NLGN1: variants seen among roughly 807,000 people sequenced by gnomAD.
NLGN1 encodes the protein neuroligin 1.
A neutral mutation model predicts 65.5 loss-of-function variants in NLGN1; 12 were observed. That is an observed-to-expected ratio of 0.18 (90% confidence interval 0.12 to 0.30). The LOEUF is 0.30. NLGN1 is among the 10% of genes least tolerant of loss of function. NLGN1 has a pLI of 1.00. For missense variants in NLGN1, 750 were observed against 1,007.1 expected (o/e 0.74, Z 3.46); for synonymous variants, 350 against 359.5 (o/e 0.97, Z 0.30).
At chr3:173,925,091 AT>A (rs1335164843) in intron 4 of NLGN1, among the ~76,000 whole-genome samples, 1 of 152,034 alleles carries the variant, frequency 6.6e-6, no homozygotes, top group Non-Finnish European at 1.5e-5. Context: ...GATCAAACCT[AT>A]TTTTTTCTTT....
intron 5 of NLGN1, among the ~76,000 whole-genome samples, chr3:174,276,803 G>T (rs1234389749): frequency 2.6e-5 from 4 of 151,780 alleles, no homozygotes; most frequent in Admixed American, 2.0e-4. Flanking sequence ...TAAAGAAATG[G>T]CTTCTTTTGA....
At chr3:173,670,838 T>TA (rs143372665) in intron 3 of NLGN1, among the ~76,000 whole-genome samples, 2 of 152,012 alleles carry the variant, frequency 1.3e-5, no homozygotes, top group Non-Finnish European at 2.9e-5. Flanking sequence ...GTTCTTAGCA[T>TA]AAAAAATAAA....
intron 2 of NLGN1, among the ~76,000 whole-genome samples, chr3:173,447,523 G>T (rs148413024): frequency 6.6e-6 from 1 of 152,062 alleles, no homozygotes. Flanking sequence ...TGTTCTTTTG[G>T]CTTAGGATTG....
intron 3 of NLGN1, among the ~76,000 whole-genome samples, chr3:173,744,017 C>T (rs911799479): frequency 1.2e-4 from 19 of 152,024 alleles, no homozygotes; most frequent in African/African-American, 4.6e-4. Flanking sequence ...TTCAAAATAA[C>T]TAGTTAGAAA....
intron 3 of NLGN1, among the ~76,000 whole-genome samples, chr3:173,733,810 A>G (rs1201558749): frequency 2.0e-5 from 3 of 152,120 alleles, no homozygotes; most frequent in Non-Finnish European, 4.4e-5. Context: ...CGGGGGAGGA[A>G]CACTGTTTGT....
chr3:174,161,450 A>G (rs747304633), intron 4 of NLGN1, among the ~76,000 whole-genome samples: 5 of 151,890 alleles, frequency 3.3e-5, no homozygotes, highest in Non-Finnish European at 7.4e-5. Flanking sequence ...ACTAGGGTTT[A>G]GTTTACGTCT....
chr3:173,676,204 G>T (rs1291816236), intron 3 of NLGN1, among the ~76,000 whole-genome samples: 1 of 152,072 alleles, frequency 6.6e-6, no homozygotes, highest in Non-Finnish European at 1.5e-5. Context: ...GAGGCATGCT[G>T]CTCTTCCTTG....
chr3:173,583,552 C>T (rs1352646820), intron 2 of NLGN1, among the ~76,000 whole-genome samples: 2 of 152,172 alleles, frequency 1.3e-5, no homozygotes, highest in African/African-American at 2.4e-5. Flanking sequence ...CTGCTTGCAG[C>T]TACAGAACCC....
chr3:173,786,475 T>C (rs1203124960), intron 3 of NLGN1, among the ~76,000 whole-genome samples: 1 of 152,134 alleles, frequency 6.6e-6, no homozygotes, highest in Non-Finnish European at 1.5e-5. Context: ...GTATTGAAAA[T>C]CATTCTTTCT....
chr3:173,881,697 C>T (rs1340906888), intron 4 of NLGN1, among the ~76,000 whole-genome samples: 1 of 152,024 alleles, frequency 6.6e-6, no homozygotes, highest in African/African-American at 2.4e-5. Context: ...AAGTGCCAGG[C>T]TCCACTTCTA....
intron 2 of NLGN1, among the ~76,000 whole-genome samples, chr3:173,511,918 T>C (rs1338349705): frequency 6.6e-6 from 1 of 152,212 alleles, no homozygotes; most frequent in African/African-American, 2.4e-5. Context: ...TATAATTATA[T>C]TGCAGGGTAT....
chr3:173,851,507 C>G (rs1299140593), intron 4 of NLGN1, among the ~76,000 whole-genome samples: 4 of 152,170 alleles, frequency 2.6e-5, no homozygotes, highest in Admixed American at 6.5e-5. Flanking sequence ...CATAGCCAAA[C>G]AGTTTAAAGA....
chr3:173,698,158 T>C (rs570446811), intron 3 of NLGN1, among the ~76,000 whole-genome samples: 2 of 152,338 alleles, frequency 1.3e-5, no homozygotes, highest in East Asian at 3.9e-4. Flanking sequence ...TTGCAGAAGA[T>C]GTTGTTCACT....
exon 7 of NLGN1, chr3:174,284,388 T>A (rs1433520655): frequency 6.6e-6 from 1 of 151,424 alleles, no homozygotes; most frequent in Non-Finnish European, 1.5e-5. Context: ...TTAGCAAATA[T>A]GTTTAAAATG....
At chr3:174,115,274 A>G (rs948027848) in intron 4 of NLGN1, among the ~76,000 whole-genome samples, 4 of 152,258 alleles carry the variant, frequency 2.6e-5, no homozygotes, top group African/African-American at 7.2e-5. Flanking sequence ...TCATTTTCCA[A>G]TGAGATTAAA....
At chr3:174,243,072 A>G (rs745840009) in intron 4 of NLGN1, among the ~76,000 whole-genome samples, 4 of 151,978 alleles carry the variant, frequency 2.6e-5, no homozygotes, top group Non-Finnish European at 4.4e-5. Flanking sequence ...GAAAAATGAT[A>G]TGTTGGAGTT....
chr3:173,786,710 A>G (rs1197421902), intron 3 of NLGN1, among the ~76,000 whole-genome samples: 1 of 152,222 alleles, frequency 6.6e-6, no homozygotes, highest in Non-Finnish European at 1.5e-5. Context: ...ATCAGAAAAA[A>G]TGAATTTTAA....
chr3:174,183,697 C>T (rs568395663), intron 4 of NLGN1, among the ~76,000 whole-genome samples: 1 of 152,264 alleles, frequency 6.6e-6, no homozygotes, highest in Admixed American at 6.5e-5. Flanking sequence ...CATGTGCACA[C>T]ATACACAACA....
chr3:174,023,536 T>A (rs930645663), intron 4 of NLGN1, among the ~76,000 whole-genome samples: 3 of 152,148 alleles, frequency 2.0e-5, no homozygotes, highest in Non-Finnish European at 2.9e-5. Flanking sequence ...CATTCCTTCC[T>A]TTGAGGTGGA....
Sources: gnomAD v4.1 joint callset for allele counts (sites outside exome capture counted in the v4.1 genomes callset) on GRCh38, gnomAD v4.1.1 for gene constraint, MANE v1.5 for transcripts, NCBI Gene and HGNC (gene_info 2026-07-23, HGNC 2026-07-21) for gene names.